Variants in KCNC2 observed in about 807,000 individuals in gnomAD.
KCNC2 encodes voltage-gated potassium channel KCNC2.
A neutral mutation model predicts 44.5 loss-of-function variants in KCNC2; 21 were observed. That is an observed-to-expected ratio of 0.47 (90% CI 0.33 to 0.68). KCNC2 has a LOEUF of 0.68. Among genes scored for constraint, KCNC2 ranks in the 30% least tolerant of loss-of-function variants. The pLI, the probability that KCNC2 is intolerant of heterozygous loss-of-function variation, is 0.01. For missense variants in KCNC2, 589 were observed against 826.2 expected (o/e 0.71, Z 3.52); for synonymous variants, 391 against 339.1 (o/e 1.15, Z -1.68).
Position 75,207,629 on chromosome 12 carries a change from G to T in KCNC2, c.355C>A (p.Arg119Ser). The T allele has an allele frequency of 6.2e-7, 1 of 1,611,964 alleles. No individual in the cohort carries two copies. The highest frequency in any genetic ancestry group is 2.2e-5 in the East Asian group (1 of 44,846). Residue 119 changes from arginine to serine, a missense_variant, in exon 2 of 5, where the codon CGC (arginine) becomes AGC (serine). Arg to Ser is a moderately radical substitution (Grantham distance 110). Coordinates refer to ENST00000549446, the MANE Select transcript of KCNC2 (RefSeq NM_139137.4). This position sits in a 1 kb window ranked among gnomAD's most constrained non-coding sequence, Gnocchi z 4.1. ...GVFAYVLNYYRTGKLHCPADV... is the reference protein window; with the variant it reads ...GVFAYVLNYYSTGKLHCPADV... ...GCGGGGCAGTGCAGCTTGCCGGTGCGGTAGTAATTGAGCACATAGGCGAAG... is the reference window on the plus strand; with the variant it reads ...GCGGGGCAGTGCAGCTTGCCGGTGCTGTAGTAATTGAGCACATAGGCGAAG...
At chr12:75,115,312 C>T (rs756242492) in intron 2 of KCNC2, among the ~76,000 whole-genome samples, 2 of 152,118 alleles carry the variant, frequency 1.3e-5, no homozygotes, top group Non-Finnish European at 2.9e-5. Flanking sequence ...CACACATTAT[C>T]TGATTTTATC....
intron 2 of KCNC2, among the ~76,000 whole-genome samples, chr12:75,068,577 G>A (rs973684517): frequency 3.9e-5 from 6 of 152,128 alleles, no homozygotes; most frequent in Admixed American, 6.5e-5. Flanking sequence ...AATTAAAGGT[G>A]TCTTATTCCT....
chr12:75,191,748 A>C (rs1449059625), intron 2 of KCNC2, among the ~76,000 whole-genome samples: 1 of 150,394 alleles, frequency 6.6e-6, no homozygotes, highest in Non-Finnish European at 1.5e-5. Flanking sequence ...GACGGGTTTC[A>C]CCTTGTTAGC....
chr12:75,052,423 C>G (rs529762282), intron 2 of KCNC2, among the ~76,000 whole-genome samples: 1 of 152,072 alleles, frequency 6.6e-6, no homozygotes, highest in East Asian at 1.9e-4. Flanking sequence ...TATTAAAGAT[C>G]TGAAAACTTG....
At chr12:75,188,980 G>C (rs946542173) in intron 2 of KCNC2, among the ~76,000 whole-genome samples, 2 of 152,178 alleles carry the variant, frequency 1.3e-5, no homozygotes, top group African/African-American at 2.4e-5. Context: ...AGAAGGGTTT[G>C]TATTAGTCAA....
intron 4 of KCNC2, among the ~76,000 whole-genome samples, chr12:75,045,054 G>T (rs930470067): frequency 3.9e-5 from 6 of 151,936 alleles, no homozygotes; most frequent in African/African-American, 1.4e-4. Context: ...TTTGGGAATT[G>T]TAGGAAAAAA....
In KCNC2 at chr12:75,092,907, A is replaced by G. The variant is rs1592852816; in HGVS notation, c.688-41590T>C. Among the ~76,000 whole-genome samples the G allele has an allele frequency of 4.6e-5, 7 of 151,732 alleles. No homozygotes were observed. In the South Asian group the frequency reaches 1.4e-3, roughly 31 times the overall value. On this transcript the variant is annotated intron_variant, in intron 2 of 4. Transcript: ENST00000549446. ...AGCTTATTATATTGCAGTAGAAGTC[A>G]TTCTTGCATCTATTTTTCAATCTGT... is the stretch of plus-strand genomic sequence containing the variant.
chr12:75,190,680 T>G (rs2137706638), intron 2 of KCNC2, among the ~76,000 whole-genome samples: 1 of 152,274 alleles, frequency 6.6e-6, no homozygotes, highest in East Asian at 1.9e-4. Flanking sequence ...ATATATTATA[T>G]TCAAGCTATT....
intron 2 of KCNC2, among the ~76,000 whole-genome samples, chr12:75,137,239 A>T (rs188965284): frequency 6.6e-6 from 1 of 151,620 alleles, no homozygotes; most frequent in Admixed American, 6.6e-5. Context: ...ATAAATACCA[A>T]CTCCTCAAGG....
At chr12:75,106,518 G>A (rs554112490) in intron 2 of KCNC2, among the ~76,000 whole-genome samples, 1 of 152,166 alleles carries the variant, frequency 6.6e-6, no homozygotes, top group Non-Finnish European at 1.5e-5. Context: ...AGCAAAAGGA[G>A]GCATTATTAC....
chr12:75,096,745 T>C (rs1297678277), intron 2 of KCNC2, among the ~76,000 whole-genome samples: 1 of 152,046 alleles, frequency 6.6e-6, no homozygotes, highest in Non-Finnish European at 1.5e-5. Flanking sequence ...CTTATTCATA[T>C]TTAATCAGTT....
chr12:75,166,235 AT>A (rs775135755), intron 2 of KCNC2, among the ~76,000 whole-genome samples: 1 of 151,026 alleles, frequency 6.6e-6, no homozygotes, highest in African/African-American at 2.4e-5. Flanking sequence ...TAGTGCAGGG[AT>A]TTTTTTAGTC....
At chr12:75,081,018 T>A (rs1405794561) in intron 2 of KCNC2, among the ~76,000 whole-genome samples, 1 of 152,166 alleles carries the variant, frequency 6.6e-6, no homozygotes, top group Non-Finnish European at 1.5e-5. Context: ...TAGTAATATA[T>A]GCTAGCCGAG....
intron 2 of KCNC2, among the ~76,000 whole-genome samples, chr12:75,196,561 C>T (rs752777091): frequency 2.0e-5 from 3 of 152,036 alleles, no homozygotes; most frequent in Admixed American, 6.6e-5. Flanking sequence ...AGTCTTTCCT[C>T]GTAGCACTCT....
intron 2 of KCNC2, among the ~76,000 whole-genome samples, chr12:75,110,932 C>T (rs193261392): frequency 6.6e-6 from 1 of 152,026 alleles, no homozygotes; most frequent in African/African-American, 2.4e-5. Flanking sequence ...TGAATTTATG[C>T]ATCTTAAAAA....
At chr12:75,205,226 G>A (rs1056642587) in intron 2 of KCNC2, among the ~76,000 whole-genome samples, 2 of 152,138 alleles carry the variant, frequency 1.3e-5, no homozygotes, top group East Asian at 1.9e-4. Context: ...TTAACTTGAT[G>A]TATAACCTTG....
At chr12:75,204,605 C>T (rs1449383448) in intron 2 of KCNC2, among the ~76,000 whole-genome samples, 2 of 152,004 alleles carry the variant, frequency 1.3e-5, no homozygotes, top group African/African-American at 4.8e-5. Flanking sequence ...AAGAATGAGA[C>T]TCATGATAAT....
intron 2 of KCNC2, among the ~76,000 whole-genome samples, chr12:75,160,477 A>G (rs1891050001): frequency 6.6e-6 from 1 of 151,884 alleles, no homozygotes; most frequent in South Asian, 2.1e-4. Flanking sequence ...TCACACAGCC[A>G]GTAAGTTCCC....
At position 75,207,458 on chromosome 12, in the gene KCNC2, C is replaced by G; in HGVS notation, c.526G>C (p.Gly176Arg). The G allele has an allele frequency of 6.2e-7, 1 of 1,611,684 alleles. No individual in the cohort carries two copies. The highest frequency in any genetic ancestry group is 1.7e-5 in the Admixed American group (1 of 59,882). ...TCCTCGTCGTCGCCGGGGTCGCCGCCAATGAGGTCGGGGGTCTCGAAGATG... is the reference window on the plus strand; with the variant it reads ...TCCTCGTCGTCGCCGGGGTCGCCGCGAATGAGGTCGGGGGTCTCGAAGATG... ...LDIFETPDLI[G>R]GDPGDDEDLA... is the part of the protein sequence containing the mutation. Residue 176 changes from glycine to arginine, a missense_variant, in exon 2 of 5, where the codon GGC (glycine) becomes CGC (arginine). Coordinates refer to ENST00000549446, the MANE Select transcript of KCNC2 (RefSeq NM_139137.4). This position sits in a 1 kb window ranked among gnomAD's most constrained non-coding sequence, Gnocchi z 4.1.
Sources: allele counts gnomAD v4.1 joint callset (sites outside exome capture counted in the v4.1 genomes callset), GRCh38; gene constraint gnomAD v4.1.1; non-coding constraint Gnocchi (gnomAD v3.1); transcripts MANE v1.5; gene names NCBI Gene and HGNC (gene_info 2026-07-23, HGNC 2026-07-21).